The following PARD3 variants were observed in gnomAD, a reference collection of about 807,000 sequenced individuals.
PARD3 encodes partitioning defective 3 homolog.
Under a neutral mutation model 155.4 loss-of-function variants are expected in PARD3, and 75 were observed. The ratio of observed to expected loss-of-function variants is 0.48; its 90% CI spans 0.40 to 0.58. The LOEUF (loss-of-function observed/expected upper bound fraction) is 0.58. Ranked by LOEUF, PARD3 falls within the 20% of genes least tolerant of loss-of-function variation. The pLI, the probability that PARD3 is intolerant of heterozygous loss-of-function variation, is 0.00. For synonymous variants in PARD3, 576 were observed against 610.5 expected (o/e 0.94, Z 0.83); for missense variants, 1,642 against 1,721.7 (o/e 0.95, Z 0.82).
chr10:34,194,300 G>T (rs1950842461), intron 22 of PARD3, among the ~76,000 whole-genome samples: 1 of 152,152 alleles, frequency 6.6e-6, no homozygotes, highest in African/African-American at 2.4e-5. Context: ...AGACGTGGAA[G>T]TTGCCCACCC....
intron 2 of PARD3, among the ~76,000 whole-genome samples, chr10:34,545,610 A>G (rs578052335): frequency 6.6e-6 from 1 of 152,348 alleles, no homozygotes; most frequent in South Asian, 2.1e-4. Context: ...GCTGGAGTGC[A>G]ATGGCACAAT....
At chr10:34,734,302 TATAAC>T (rs1368474686) in intron 1 of PARD3, among the ~76,000 whole-genome samples, 75 of 141,888 alleles carry the variant, frequency 5.3e-4, no homozygotes, top group Non-Finnish European at 7.5e-4. Context: ...AGATTACACA[TATAAC>T]AAATATATGG....
At chr10:34,450,537 A>G in intron 4 of PARD3, 89 bp from the exon 5 acceptor site, 1 of 1,181,518 alleles carries the variant, frequency 8.5e-7, no homozygotes, top group Non-Finnish European at 1.2e-6. Flanking sequence ...TAGCAGAAAA[A>G]TGATTCTACA....
chr10:34,516,009 T>C (rs944606276), intron 3 of PARD3, among the ~76,000 whole-genome samples: 2 of 151,420 alleles, frequency 1.3e-5, no homozygotes, highest in Non-Finnish European at 2.9e-5. Flanking sequence ...CAGGCTGGAG[T>C]GCAGTGGCAC....
chr10:34,584,690 G>A (rs745924058), intron 2 of PARD3, among the ~76,000 whole-genome samples: 1 of 151,524 alleles, frequency 6.6e-6, no homozygotes, highest in Non-Finnish European at 1.5e-5. Flanking sequence ...ACCTTTTTTT[G>A]AAAACTTCCA....
chr10:34,216,405 T>C (rs1449389468), intron 22 of PARD3, among the ~76,000 whole-genome samples: 2 of 152,228 alleles, frequency 1.3e-5, no homozygotes, highest in Non-Finnish European at 2.9e-5. Flanking sequence ...TCTTAAACAC[T>C]GCAAGCGGCT....
chr10:34,287,866 A>AT (rs1174324007), intron 20 of PARD3, among the ~76,000 whole-genome samples: 1 of 152,188 alleles, frequency 6.6e-6, no homozygotes, highest in Admixed American at 6.5e-5. Flanking sequence ...TGGAATAACT[A>AT]TTTTTTGTAA....
chr10:34,235,190 A>AT (rs1251006670), intron 22 of PARD3, among the ~76,000 whole-genome samples: 4 of 152,262 alleles, frequency 2.6e-5, no homozygotes, highest in East Asian at 1.9e-4. Context: ...TTCTTCATTC[A>AT]TTTTTTAAAG....
chr10:34,158,422 G>A (rs1027300930), intron 22 of PARD3, among the ~76,000 whole-genome samples: 4 of 152,130 alleles, frequency 2.6e-5, no homozygotes, highest in African/African-American at 7.2e-5. Context: ...TTTGATTCAC[G>A]ATTCTTTTCC....
intron 20 of PARD3, among the ~76,000 whole-genome samples, chr10:34,310,664 G>C (rs1053724397): frequency 2.0e-5 from 3 of 152,234 alleles, no homozygotes; most frequent in Non-Finnish European, 2.9e-5. Context: ...ACCAGGAAAA[G>C]AAGAATACTT....
In PARD3 at chr10:34,683,622, G is replaced by GA. The variant is rs1268715311; in HGVS notation, c.222+12695dup. On this transcript the variant is annotated intron_variant, in intron 2 of 24. Coordinates refer to ENST00000374788, the MANE Select transcript of PARD3 (RefSeq NM_001184785.2). ...GCCCCAGCCTGGGATTGGTGTAACAGAAAGAGTGAGAACCTCTGTCCCCTG... is the reference window on the plus strand; with the variant it reads ...GCCCCAGCCTGGGATTGGTGTAACAGAAAAGAGTGAGAACCTCTGTCCCCTG... 9.9e-5 allele frequency among the ~76,000 whole-genome samples: 15 copies of GA among 151,576 alleles called. No homozygotes were observed. In the East Asian group the frequency reaches 2.9e-3, roughly 29 times the overall value.
intron 1 of PARD3, among the ~76,000 whole-genome samples, chr10:34,697,482 G>A (rs2094196202): frequency 6.6e-6 from 1 of 152,132 alleles, no homozygotes; most frequent in South Asian, 2.1e-4. Context: ...TGGAGCAGGG[G>A]TGCGGGGAGA....
chr10:34,673,455 A>T (rs2093644052), intron 2 of PARD3, among the ~76,000 whole-genome samples: 1 of 152,204 alleles, frequency 6.6e-6, no homozygotes, highest in African/African-American at 2.4e-5. Flanking sequence ...GGAACCTCTC[A>T]TTACTTGTGG....
chr10:34,395,104 G>A (rs895089587), intron 7 of PARD3, among the ~76,000 whole-genome samples: 3 of 152,108 alleles, frequency 2.0e-5, no homozygotes, highest in Admixed American at 2.0e-4. Context: ...GCGTGATCTT[G>A]GCTCACTGCA....
intron 5 of PARD3, among the ~76,000 whole-genome samples, chr10:34,413,754 A>T (rs193066434): frequency 1.4e-4 from 21 of 152,196 alleles, no homozygotes; most frequent in East Asian, 5.8e-4. Flanking sequence ...AGGATTTTTT[A>T]AAAAATTGGA....
At chr10:34,603,972 C>T (rs528670547) in intron 2 of PARD3, among the ~76,000 whole-genome samples, 2 of 152,178 alleles carry the variant, frequency 1.3e-5, no homozygotes, top group South Asian at 4.2e-4. Context: ...GTCCCAGGTG[C>T]GTCCAGGAAC....
At position 34,801,452 on chromosome 10, in the gene PARD3, A is replaced by G. The variant is rs1162505657; in HGVS notation, c.120+13424T>C. Among the ~76,000 whole-genome samples the G allele has an allele frequency of 4.6e-5, 7 of 152,278 alleles. No individual in the cohort carries two copies. The East Asian group carries it at 7.7e-4, about 17-fold the overall frequency. ...CCTTCAATACTGTGGTATGAAAAAG[A>G]CGGATGAGAGGAGGTAGTCCTCTTG... is the stretch of plus-strand genomic sequence containing the variant. On this transcript the variant is annotated intron_variant, in intron 1 of 24. Transcript: ENST00000374788.
chr10:34,226,466 C>T (rs1952607533), intron 22 of PARD3, among the ~76,000 whole-genome samples: 1 of 152,214 alleles, frequency 6.6e-6, no homozygotes, highest in South Asian at 2.1e-4. Context: ...AAGAGAACTG[C>T]TTGAATCCAG....
intron 1 of PARD3, among the ~76,000 whole-genome samples, chr10:34,734,322 CTTTTTTTTTTTTTTTTTTTTTT>C (rs142307338): frequency 1.5e-5 from 1 of 67,980 alleles, no homozygotes; most frequent in Non-Finnish European, 2.5e-5. Context: ...ATATGGGGCC[CTTTTTTTTTTTTTTTTTTTTTT>C]TTTTTTTTTG....
Sources: allele counts gnomAD v4.1 joint callset (sites outside exome capture counted in the v4.1 genomes callset), GRCh38; gene constraint gnomAD v4.1.1; transcripts MANE v1.5; gene names NCBI Gene and HGNC (gene_info 2026-07-23, HGNC 2026-07-21).